Variants in NOTUM observed in about 807,000 individuals in gnomAD.
NOTUM encodes notum, palmitoleoyl-protein carboxylesterase.
In NOTUM, 36 loss-of-function variants were observed where a neutral mutation model predicts 65.5. The observed-to-expected ratio is 0.55, with a 90% confidence interval of 0.42 to 0.73. NOTUM has a LOEUF of 0.73. NOTUM is among the 30% of genes least tolerant of loss of function. NOTUM has a pLI of 0.00. For synonymous variants in NOTUM, 356 were observed against 297.9 expected (o/e 1.20, Z -2.01); for missense variants, 659 against 694.2 (o/e 0.95, Z 0.57).
chr17:81,959,389 G>A (rs1240733308), intron 3 of NOTUM, 82 bp downstream of exon 3: 10 of 1,064,112 alleles, frequency 9.4e-6, no homozygotes, highest in Non-Finnish European at 1.2e-5. Context: ...CGGGGTGGGG[G>A]CCTGGCTGGG....
At position 81,953,017 on chromosome 17, in the gene NOTUM, G is replaced by A; in HGVS notation, c.1435C>T (p.Gln479Ter). ...HMGFDMQTVAQPQGLEPSELL... is the reference protein window; with the variant it reads ...HMGFDMQTVA ...TCACTGGGCTCCAGTCCCTGCGGCT[G>A]GGCCACCGTCTGCATGTCGAAGCCC... is the stretch of plus-strand genomic sequence containing the variant. The change falls in exon 11 of 11, where the codon CAG becomes TAG. Residue 479 changes from glutamine (Q) to a stop codon, truncating the protein, a stop_gained. Transcript: ENST00000409678. LOFTEE classifies it high-confidence loss of function. 1 of 1,614,014 alleles carries A rather than the reference G, an allele frequency of 6.2e-7. No homozygotes were observed. The highest frequency in any genetic ancestry group is 1.3e-5 in the African/African-American group (1 of 75,056).
chr17:81,959,254 C>T (rs1312314541), intron 3 of NOTUM: 3 of 611,118 alleles, frequency 4.9e-6, no homozygotes, highest in East Asian at 5.5e-5. Flanking sequence ...CCTGCTTTGA[C>T]CCTGGGGAGG....
At chr17:81,959,169 C>A (rs909566761) in intron 3 of NOTUM, 174 bp from the exon 4 acceptor site, 1 of 642,256 alleles carries the variant, frequency 1.6e-6, no homozygotes, top group Non-Finnish European at 2.8e-6. Flanking sequence ...GGTTTAGTTA[C>A]CCCCGGGAAG....
At position 81,957,197 on chromosome 17, in the gene NOTUM, A is replaced by T. The variant is rs566077432; in HGVS notation, c.696-123T>A. The T allele has an allele frequency of 7.3e-4, 550 of 748,424 alleles. 7 individuals are homozygous for T. In the South Asian group the frequency reaches 9.8e-3, roughly 13 times the overall value. 46.4% of individuals were successfully genotyped at this position (748,424 alleles called of 1,614,324 possible). On this transcript the variant is annotated intron_variant, in intron 6 of 10. Transcript: ENST00000409678. ...AGTCCTGATGCGTTCTGAACTGCGG[A>T]TGCATTCTGCATTCTCTGTTCACGT...
intron 5 of NOTUM, 129 bp downstream of exon 5, chr17:81,958,206 C>G: frequency 1.4e-6 from 1 of 699,608 alleles, no homozygotes; most frequent in South Asian, 1.6e-5. Flanking sequence ...CACGACAAGG[C>G]TGAGAGTCAG....
At position 81,953,274 on chromosome 17, in the gene NOTUM, A is replaced by G. The variant is rs1598366532; in HGVS notation, c.1185-7T>C. 1.3e-6 allele frequency: 2 copies of G among 1,570,742 alleles called. No individual in the cohort carries two copies. The highest frequency in any genetic ancestry group is 1.7e-6 in the Non-Finnish European group (2 of 1,157,216). On this transcript the variant is annotated splice_polypyrimidine_tract_variant and splice_region_variant and intron_variant, in intron 10 of 10. Coordinates refer to ENST00000409678, the MANE Select transcript of NOTUM (RefSeq NM_178493.6). ...CTGGACATCCGTCCAGTGGCTGCAG[A>G]GGAAAACCGGGGGAGGGGGTCACAT...
Position 81,960,986 on chromosome 17 carries a change from C to T in NOTUM, c.-77G>A. 2 of 806,478 alleles carry T rather than the reference C, an allele frequency of 2.5e-6. No homozygotes were observed. The highest frequency in any genetic ancestry group is 3.2e-6 in the Non-Finnish European group (2 of 626,750). 50.0% of individuals were successfully genotyped at this position (806,478 alleles called of 1,614,324 possible). Reference sequence around the variant, plus strand: ...GCGGGGGATGCCGGGCCGGGGGTGCCGGGCCGGGGGTGTCGGGGGCACTGG... The same window carrying T: ...GCGGGGGATGCCGGGCCGGGGGTGCTGGGCCGGGGGTGTCGGGGGCACTGG... On this transcript the variant is annotated 5_prime_UTR_variant, in exon 1 of 11. Coordinates refer to ENST00000409678, the MANE Select transcript of NOTUM (RefSeq NM_178493.6). The surrounding 1 kb of genome is among the most constrained non-coding windows in gnomAD (Gnocchi z 6.4).
At chr17:81,959,366 T>C in intron 3 of NOTUM, 105 bp downstream of exon 3, 1 of 870,516 alleles carries the variant, frequency 1.1e-6, no homozygotes, top group Admixed American at 2.5e-5. Context: ...GGCGCCAGGC[T>C]GGGCATGATG....
In NOTUM at chr17:81,958,330, C is replaced by G. The variant is rs748404237; in HGVS notation, c.592+5G>C. ...CTGCCATGCCCTGGGAAGGCCGAGA[C>G]TCACTCTTCTCAGACTTGGATGAAG... On this transcript the variant is annotated splice_donor_5th_base_variant and intron_variant, in intron 5 of 10. Transcript: ENST00000409678. 6.2e-7 allele frequency: 1 copy of G among 1,601,300 alleles called. No individual in the cohort carries two copies. Among genetic ancestry groups the G allele is most frequent in the Non-Finnish European group, 8.5e-7 (1 of 1,169,872 alleles).
chr17:81,957,922 G>A lies in NOTUM; in HGVS notation c.593-14C>T, dbSNP rs373744358. On this transcript the variant is annotated splice_polypyrimidine_tract_variant and intron_variant, in intron 5 of 10. Coordinates refer to ENST00000409678, the MANE Select transcript of NOTUM (RefSeq NM_178493.6). ...AGGCGTACTCGTCTGCAAGAGGGAG[G>A]GGGTGGCCTCAGGTAGGGGCCTGGA... 2 of 1,576,812 alleles carry A rather than the reference G, an allele frequency of 1.3e-6. No individual in the cohort carries two copies. The highest frequency in any genetic ancestry group is 2.3e-5 in the East Asian group (1 of 42,984).
rs200188185 is a variant in NOTUM at position 81,957,838 on chromosome 17, G to A, written c.663C>T (p.Ser221=). ...CGGCCAGCAGCAGCACCTTGGCCCC[G>A]CTCAGCCCTCTGCCCAGAAGCTCCC... ...VVRELLGRGL[S]GAKVLLLAGS... is the part of the protein sequence containing the mutation. The change falls in exon 6 of 11, where the codon AGC becomes AGT. Residue 221 remains serine, a synonymous_variant. Coordinates refer to ENST00000409678, the MANE Select transcript of NOTUM (RefSeq NM_178493.6). 1.0e-5 allele frequency: 16 copies of A among 1,607,988 alleles called. No individual in the cohort carries two copies. The East Asian group carries it at 2.0e-4, about 20-fold the overall frequency.
intron 5 of NOTUM, among the ~76,000 whole-genome samples, chr17:81,958,133 G>A (rs951668214): frequency 4.6e-5 from 7 of 152,156 alleles, no homozygotes; most frequent in African/African-American, 1.7e-4. Flanking sequence ...TACAGTTGTG[G>A]ACAAGCAGGC....
rs1231370862 is a variant in NOTUM at position 81,952,733 on chromosome 17, AC to A, written c.*227del. The A allele has an allele frequency of 1.7e-6, 1 of 576,364 alleles. No homozygotes were observed. Among genetic ancestry groups the A allele is most frequent in the Admixed American group, 3.2e-5 (1 of 31,262 alleles). 35.7% of individuals were successfully genotyped at this position (576,364 alleles called of 1,614,324 possible). On this transcript the variant is annotated 3_prime_UTR_variant, in exon 11 of 11. Transcript: ENST00000409678. ...GGCTACCCCCTCGTTGTCAGGAAGG[AC>A]CCCCAGGCCACAGATGGGGATGACA...
At position 81,959,379 on chromosome 17, in the gene NOTUM, C is replaced by A; in HGVS notation, c.472+92G>T. On this transcript the variant is annotated intron_variant, in intron 3 of 10. Transcript: ENST00000409678. Reference sequence around the variant, plus strand: ...CGGGCGCCAGGCTGGGCATGATGTGCGGGGTGGGGGCCTGGCTGGGGCTCC... The same window carrying A: ...CGGGCGCCAGGCTGGGCATGATGTGAGGGGTGGGGGCCTGGCTGGGGCTCC... 3 of 976,580 alleles carry A rather than the reference C, an allele frequency of 3.1e-6. No individual in the cohort carries two copies. The South Asian group carries it at 4.6e-5, about 15-fold the overall frequency. The allele number at this position is 976,580 out of a possible 1,614,324, so 60.5% of individuals were successfully genotyped here.
Position 81,957,152 on chromosome 17 carries a change from C to A in NOTUM, c.696-78G>T, listed in dbSNP as rs1044435347. On this transcript the variant is annotated intron_variant, in intron 6 of 10. Coordinates refer to ENST00000409678, the MANE Select transcript of NOTUM (RefSeq NM_178493.6). Reference sequence around the variant, plus strand: ...CCCCCGAGTCTGCTCAGCGTCAGCCCGTGCCCCGAGGGGGGCAGGAGTCCT... The same window carrying A: ...CCCCCGAGTCTGCTCAGCGTCAGCCAGTGCCCCGAGGGGGGCAGGAGTCCT... 52 of 1,288,556 alleles carry A rather than the reference C, an allele frequency of 4.0e-5. No individual in the cohort carries two copies. The African/African-American group carries it at 5.6e-4, about 14-fold the overall frequency. The allele number at this position is 1,288,556 out of a possible 1,614,324, so 79.8% of individuals were successfully genotyped here. A position where few individuals can be genotyped will look rare whatever the true frequency, so the allele number is the denominator to read the frequency against.
At position 81,953,045 on chromosome 17, in the gene NOTUM, G is replaced by GT; in HGVS notation, c.1406dup (p.His469GlnfsTer19). On this transcript the variant is annotated frameshift_variant, in exon 11 of 11. Transcript: ENST00000409678. LOFTEE classifies it high-confidence loss of function. ...CCACCGTCTGCATGTCGAAGCCCATGTGCATGAGGAACTGGGCCACGTTCA... is the reference window on the plus strand; with the variant it reads ...CCACCGTCTGCATGTCGAAGCCCATGTTGCATGAGGAACTGGGCCACGTTCA... 6.2e-7 allele frequency: 1 copy of GT among 1,613,886 alleles called. No homozygotes were observed. The highest frequency in any genetic ancestry group is 8.5e-7 in the Non-Finnish European group (1 of 1,179,788).
chr17:81,955,432 G>C lies in NOTUM; in HGVS notation c.1101C>G (p.Leu367=). The change falls in exon 9 of 11, where the codon CTC becomes CTG. Residue 367 remains leucine (L), a synonymous_variant. Coordinates refer to ENST00000409678, the MANE Select transcript of NOTUM (RefSeq NM_178493.6). The part of the protein sequence containing the change: ...QEGLRLYIQN[L]GRELRHTLKD... The stretch of plus-strand genomic sequence containing the variant: ...TGAGTGTGTGGCGCAGCTCGCGGCC[G>C]AGGTTCTGGATGTACAGCCGCAGGC... The C allele has an allele frequency of 1.0e-5, 16 of 1,598,314 alleles. No homozygotes were observed. The highest frequency in any genetic ancestry group is 1.4e-5 in the Non-Finnish European group (16 of 1,173,408).
intron 4 of NOTUM, 151 bp from the exon 5 acceptor site, chr17:81,958,544 G>A: frequency 3.1e-6 from 2 of 636,136 alleles, no homozygotes. Context: ...CCTCAAGAAA[G>A]ACCTCCAGCG....
chr17:81,953,328 CTG>C, intron 10 of NOTUM, 61 bp from the exon 11 acceptor site: 1 of 1,157,904 alleles, frequency 8.6e-7, no homozygotes, highest in Non-Finnish European at 1.2e-6. Context: ...ACTGAGGCAG[CTG>C]TTTTTTTTTT....
Sources: allele counts gnomAD v4.1 joint callset (sites outside exome capture counted in the v4.1 genomes callset), GRCh38; gene constraint gnomAD v4.1.1; non-coding constraint Gnocchi (gnomAD v3.1); transcripts MANE v1.5; gene names NCBI Gene and HGNC (gene_info 2026-07-23, HGNC 2026-07-21).